PVT1: variants seen among roughly 807,000 people sequenced by gnomAD.
The protein encoded by PVT1 is CXCR4/PVT1 fusion.
At chr8:127,990,943 AGCATACTGGGAGCTGAGCT>A (rs146826868) in intron 4 of PVT1, among the ~76,000 whole-genome samples, 24,082 of 152,040 alleles carry the variant, frequency 0.16, 2,248 homozygotes, top group South Asian at 0.24. Context: ...TTGTGAATAA[AGCATACTGGGAGCTGAGCT>A]GCTGTTTAGT....
chr8:128,080,470 C>T (rs1486781236), intron 5 of PVT1, among the ~76,000 whole-genome samples: 1 of 152,308 alleles, frequency 6.6e-6, no homozygotes, highest in South Asian at 2.1e-4. Context: ...ATTTGCACTT[C>T]CCTGATGACA....
rs77255524 is a variant in PVT1, at chr8:128,083,529, G to A, written n.1115-12989G>A. ...AGAGAACGTTGGCTTGCAAAGGAGAGGCTGTGACTACCAAGTCGTGTCAAC... is the reference window on the plus strand; with the variant it reads ...AGAGAACGTTGGCTTGCAAAGGAGAAGCTGTGACTACCAAGTCGTGTCAAC... On this transcript the variant is annotated intron_variant and non_coding_transcript_variant, in intron 5 of 10. Coordinates refer to ENST00000651587, the Ensembl canonical transcript of PVT1. 2.7e-3 allele frequency among the ~76,000 whole-genome samples: 411 copies of A among 152,360 alleles called. 12 individuals carry two copies. The East Asian group carries it at 0.065, about 24-fold the overall frequency.
chr8:128,036,186 C>A lies in PVT1; in HGVS notation n.913-33974C>A, dbSNP rs74325961. Among the ~76,000 whole-genome samples, 736 of 152,270 alleles carry A rather than the reference C, an allele frequency of 4.8e-3. 10 individuals are homozygous for A. Among genetic ancestry groups the A allele is most frequent in the East Asian group, 0.046 (237 of 5,182 alleles). ...CGTTCACCTTTTGTTAGTTAAGGGG[C>A]CTTTTGCCATGTTACTTCTCAAAGC... On this transcript the variant is annotated intron_variant and non_coding_transcript_variant, in intron 4 of 10. Transcript: ENST00000651587.
At chr8:127,866,548 C>G (rs1345115483) in intron 2 of PVT1, among the ~76,000 whole-genome samples, 1 of 152,104 alleles carries the variant, frequency 6.6e-6, no homozygotes, top group East Asian at 1.9e-4. Context: ...GGAGTAGCCC[C>G]TATCTAATAG....
chr8:128,060,531 C>T (rs923130446), intron 4 of PVT1, among the ~76,000 whole-genome samples: 1 of 152,204 alleles, frequency 6.6e-6, no homozygotes, highest in South Asian at 2.1e-4. Flanking sequence ...GGAGTTTAAA[C>T]TCTGGGAACA....
At chr8:127,984,929 C>CTT (rs1563657685) in intron 3 of PVT1, among the ~76,000 whole-genome samples, 13 of 124,764 alleles carry the variant, frequency 1.0e-4, no homozygotes, top group Non-Finnish European at 1.7e-4. Context: ...TTCTCTTTCT[C>CTT]TTTCTTTCTT....
chr8:128,100,438 C>T (rs555235355), intron 6 of PVT1, among the ~76,000 whole-genome samples: 58 of 152,210 alleles, frequency 3.8e-4, no homozygotes, highest in Non-Finnish European at 5.9e-4. Flanking sequence ...TCCACATGGA[C>T]GGGAATGAGA....
chr8:127,888,928 G>C (rs1815559758), intron 2 of PVT1, among the ~76,000 whole-genome samples: 1 of 152,044 alleles, frequency 6.6e-6, no homozygotes, highest in Non-Finnish European at 1.5e-5. Flanking sequence ...CATTTCTTTG[G>C]CAGTAATCGT....
intron 4 of PVT1, among the ~76,000 whole-genome samples, chr8:128,044,922 C>A (rs1813593552): frequency 6.6e-6 from 1 of 152,164 alleles, no homozygotes; most frequent in South Asian, 2.1e-4. Flanking sequence ...CCATACAATT[C>A]TTGATATGTA....
At chr8:127,937,580 C>CACACACACACACACACAGAGAG (rs59006608) in intron 3 of PVT1, among the ~76,000 whole-genome samples, 6 of 107,794 alleles carry the variant, frequency 5.6e-5, no homozygotes, top group African/African-American at 2.2e-4. Flanking sequence ...CACACACACA[C>CACACACACACACACACAGAGAG]AGAGAGAGAG....
chr8:128,006,875 A>G (rs1259337474), intron 4 of PVT1, among the ~76,000 whole-genome samples: 1 of 152,110 alleles, frequency 6.6e-6, no homozygotes, highest in Non-Finnish European at 1.5e-5. Flanking sequence ...TTGCCATTTT[A>G]CTGTTGTTTT....
chr8:128,076,671 C>G (rs1384582572), intron 5 of PVT1, among the ~76,000 whole-genome samples: 1 of 152,164 alleles, frequency 6.6e-6, no homozygotes. Context: ...TCCCAGTGAG[C>G]CAGGTATCCA....
At chr8:128,045,883 T>A (rs1208455186) in intron 4 of PVT1, among the ~76,000 whole-genome samples, 2 of 152,228 alleles carry the variant, frequency 1.3e-5, no homozygotes, top group African/African-American at 4.8e-5. Flanking sequence ...GAGGATTTTT[T>A]AAATCCTGCT....
At chr8:127,885,449 AT>A (rs1436171591) in intron 2 of PVT1, among the ~76,000 whole-genome samples, 1 of 152,140 alleles carries the variant, frequency 6.6e-6, no homozygotes, top group Non-Finnish European at 1.5e-5. Context: ...GCTCAGACAT[AT>A]TTGGTGTCTG....
chr8:127,883,945 G>A (rs1815497591), intron 2 of PVT1, among the ~76,000 whole-genome samples: 1 of 152,224 alleles, frequency 6.6e-6, no homozygotes, highest in South Asian at 2.1e-4. Context: ...GGGGTGTTCT[G>A]ATGTCTTTGA....
At chr8:128,052,701 G>A (rs1187610320) in intron 4 of PVT1, among the ~76,000 whole-genome samples, 1 of 152,196 alleles carries the variant, frequency 6.6e-6, no homozygotes, top group African/African-American at 2.4e-5. Flanking sequence ...GGAAGAATGA[G>A]GTCAATTGTG....
intron 4 of PVT1, among the ~76,000 whole-genome samples, chr8:128,026,564 T>C (rs1156502178): frequency 6.6e-6 from 1 of 152,116 alleles, no homozygotes; most frequent in East Asian, 1.9e-4. Context: ...TGTCTCCATC[T>C]CTGCAACCTG....
At chr8:127,894,329 C>CT (rs1011501090) in intron 3 of PVT1, among the ~76,000 whole-genome samples, 4 of 152,162 alleles carry the variant, frequency 2.6e-5, no homozygotes, top group African/African-American at 9.7e-5. Flanking sequence ...CCCAAGGTTG[C>CT]TTAACAGCTG....
chr8:127,876,906 G>A (rs1219002867), intron 2 of PVT1, among the ~76,000 whole-genome samples: 3 of 152,218 alleles, frequency 2.0e-5, no homozygotes, highest in Admixed American at 6.5e-5. Flanking sequence ...TTTACTTAGC[G>A]AGATGTGCCT....
Sources: gnomAD v4.1 joint callset for allele counts (sites outside exome capture counted in the v4.1 genomes callset) on GRCh38, gnomAD v4.1.1 for gene constraint, MANE v1.5 for transcripts, NCBI Gene and HGNC (gene_info 2026-07-23, HGNC 2026-07-21) for gene names.